Variants in BLTP1 observed in about 807,000 individuals in gnomAD.
BLTP1 encodes the protein bridge-like lipid transfer protein family member 1.
the BLTP1 span, chr4:122,275,834 G>A: frequency 2.0e-6 from 2 of 992,026 alleles, no homozygotes; most frequent in Non-Finnish European, 1.3e-6. Context: ...GGTTCAAATG[G>A]TACTTTAAAG....
chr4:122,172,593 A>G, the BLTP1 span, among the ~76,000 whole-genome samples: 1 of 152,188 alleles, frequency 6.6e-6, no homozygotes, highest in African/African-American at 2.4e-5. Flanking sequence ...TTTAAAAAGC[A>G]GAAGGTTTTT....
At chr4:122,359,298 A>G in the BLTP1 span, 2 of 974,700 alleles carry the variant, frequency 2.1e-6, no homozygotes, top group African/African-American at 3.5e-5. Flanking sequence ...GAAACCTACA[A>G]CTATCAATTT....
chr4:122,197,082 C>T, the BLTP1 span: 4 of 644,426 alleles, frequency 6.2e-6, no homozygotes, highest in Non-Finnish European at 9.8e-6. Context: ...TTCTTAGGAA[C>T]TTGTAATACT....
the BLTP1 span, among the ~76,000 whole-genome samples, chr4:122,357,679 A>G: frequency 5.9e-5 from 9 of 152,162 alleles, no homozygotes; most frequent in Non-Finnish European, 4.4e-5. Context: ...AATGATTTGG[A>G]ATGCTTACAA....
chr4:122,245,907 A>AT, the BLTP1 span, among the ~76,000 whole-genome samples: 6 of 151,908 alleles, frequency 3.9e-5, no homozygotes, highest in South Asian at 2.1e-4. Context: ...TTACTGTACC[A>AT]TTTTTTCTGT....
chr4:122,334,347 C>A, the BLTP1 span: 1 of 1,541,454 alleles, frequency 6.5e-7, no homozygotes, highest in Non-Finnish European at 9.0e-7. Context: ...AATACAGTTG[C>A]ATTACAATTC....
chr4:122,313,172 T>A, the BLTP1 span, among the ~76,000 whole-genome samples: 1 of 152,098 alleles, frequency 6.6e-6, no homozygotes, highest in African/African-American at 2.4e-5. Context: ...AAAGAGAAGG[T>A]AAGACTGATG....
chr4:122,153,198 G>C, the BLTP1 span: 2 of 179,724 alleles, frequency 1.1e-5, no homozygotes. Context: ...GTTGGCCTTA[G>C]TGTTGACGTT....
the BLTP1 span, chr4:122,282,156 TA>T: frequency 4.8e-6 from 4 of 825,354 alleles, no homozygotes; most frequent in Non-Finnish European, 5.8e-6. Context: ...TCAAAACAGC[TA>T]ATTCTGTATG....
chr4:122,281,855 T>G, the BLTP1 span: 2 of 1,387,226 alleles, frequency 1.4e-6, no homozygotes, highest in Non-Finnish European at 1.9e-6. Flanking sequence ...AAAAGGTAAA[T>G]TTGGTTTTAT....
chr4:122,336,435 C>T, the BLTP1 span: 5 of 873,338 alleles, frequency 5.7e-6, no homozygotes, highest in African/African-American at 3.5e-5. Context: ...TGCTATTATA[C>T]ATTATTACAT....
the BLTP1 span, chr4:122,188,105 A>T: frequency 1.4e-6 from 2 of 1,436,114 alleles, no homozygotes; most frequent in Non-Finnish European, 1.8e-6. Flanking sequence ...AAATCTTATA[A>T]AAATAATAAA....
At chr4:122,158,418 G>A in the BLTP1 span, among the ~76,000 whole-genome samples, 1 of 152,102 alleles carries the variant, frequency 6.6e-6, no homozygotes. Context: ...TCTAGATTTA[G>A]AGAGATTGTA....
At chr4:122,179,888 C>A in the BLTP1 span, 1 of 985,284 alleles carries the variant, frequency 1.0e-6, no homozygotes, top group Admixed American at 6.1e-5. Context: ...CCCTGCCCCC[C>A]ACATACAGAC....
the BLTP1 span, chr4:122,359,833 T>C: frequency 6.9e-7 from 1 of 1,441,942 alleles, no homozygotes; most frequent in East Asian, 2.5e-5. Flanking sequence ...CAGAAGTTAG[T>C]CTCCTGTAAT....
chr4:122,209,685 T>C, the BLTP1 span: 10 of 1,140,838 alleles, frequency 8.8e-6, no homozygotes, highest in Non-Finnish European at 1.2e-5. Context: ...TAGTGACAAG[T>C]ATTTTGTGCT....
the BLTP1 span, chr4:122,223,974 G>A: frequency 1.1e-4 from 111 of 973,630 alleles, 1 homozygote; most frequent in Admixed American, 6.7e-3. Flanking sequence ...TGAAATACGT[G>A]CTGCTTTTTA....
At chr4:122,255,438 T>C in the BLTP1 span, among the ~76,000 whole-genome samples, 1 of 152,040 alleles carries the variant, frequency 6.6e-6, no homozygotes, top group East Asian at 1.9e-4. Context: ...GGTTGGATCA[T>C]TTGAGGCCAA....
the BLTP1 span, chr4:122,154,877 A>C: frequency 1.2e-6 from 1 of 802,970 alleles, no homozygotes; most frequent in East Asian, 1.2e-4. Context: ...ATCTCAAAAA[A>C]CAAAAATTGA....
Sources: gnomAD v4.1 joint callset for allele counts (sites outside exome capture counted in the v4.1 genomes callset) on GRCh38, gnomAD v4.1.1 for gene constraint, MANE v1.5 for transcripts, NCBI Gene and HGNC (gene_info 2026-07-23, HGNC 2026-07-21) for gene names.